Variants in TIPARP observed in about 807,000 individuals in gnomAD.
TIPARP encodes TCDD inducible poly(ADP-ribose) polymerase, also known as protein mono-ADP-ribosyltransferase TIPARP.
A neutral mutation model predicts 56.5 loss-of-function variants in TIPARP; 12 were observed. The ratio of observed to expected loss-of-function variants is 0.21; its 90% CI spans 0.14 to 0.34. TIPARP has a LOEUF of 0.34. Among genes scored for constraint, TIPARP ranks in the 10% least tolerant of loss-of-function variants. TIPARP has a pLI of 1.00. For synonymous variants in TIPARP, 296 were observed against 265.7 expected (o/e 1.11, Z -1.11); for missense variants, 604 against 781.6 (o/e 0.77, Z 2.71).
At chr3:156,691,143 G>A (rs1047435774) in intron 2 of TIPARP, among the ~76,000 whole-genome samples, 3 of 152,048 alleles carry the variant, frequency 2.0e-5, no homozygotes, top group African/African-American at 7.2e-5. Flanking sequence ...GTCTCCACCC[G>A]TCTTTCAAGA....
At chr3:156,694,965 C>A (rs1158053836) in intron 3 of TIPARP, among the ~76,000 whole-genome samples, 1 of 152,058 alleles carries the variant, frequency 6.6e-6, no homozygotes, top group Non-Finnish European at 1.5e-5. Context: ...TATTGTTAAA[C>A]ACAATATTAA....
intron 2 of TIPARP, among the ~76,000 whole-genome samples, chr3:156,679,230 T>G (rs931530953): frequency 2.0e-5 from 3 of 152,176 alleles, no homozygotes; most frequent in Non-Finnish European, 4.4e-5. Context: ...GAAGAGTCCT[T>G]TAACAATCAG....
intron 4 of TIPARP, among the ~76,000 whole-genome samples, chr3:156,701,514 G>A (rs906019341): frequency 6.6e-6 from 1 of 152,162 alleles, no homozygotes; most frequent in African/African-American, 2.4e-5. Flanking sequence ...TGCAAAGCTG[G>A]ATAGAGGGAG....
At chr3:156,701,325 G>A (rs1722839429) in intron 4 of TIPARP, among the ~76,000 whole-genome samples, 1 of 152,194 alleles carries the variant, frequency 6.6e-6, no homozygotes, top group East Asian at 1.9e-4. Flanking sequence ...AAGAAAAGGG[G>A]CAGAATCTCT....
chr3:156,689,428 T>C (rs918116839), intron 2 of TIPARP, among the ~76,000 whole-genome samples: 1 of 152,246 alleles, frequency 6.6e-6, no homozygotes, highest in South Asian at 2.1e-4. Context: ...TGGCTGTTCA[T>C]AGAATAATAT....
At position 156,681,126 on chromosome 3, in the gene TIPARP, A is replaced by G. The variant is rs1180198861; in HGVS notation, c.917+2512A>G. 1.8e-5 allele frequency: 8 copies of G among 456,602 alleles called. No homozygotes were observed. In the Admixed American group the frequency reaches 1.9e-4, roughly 11 times the overall value. 28.3% of individuals were successfully genotyped at this position (456,602 alleles called of 1,614,324 possible). A position where few individuals can be genotyped will look rare whatever the true frequency, so the allele number is the denominator to read the frequency against. The stretch of plus-strand genomic sequence containing the variant: ...AAGCGATGTTGTGTTTCCTGGCAAC[A>G]AGATGCAGATAACGGCATGTTGAGC... On this transcript the variant is annotated intron_variant, in intron 2 of 5. Transcript: ENST00000295924.
chr3:156,675,890 C>T (rs992044982), intron 1 of TIPARP: 4 of 152,208 alleles, frequency 2.6e-5, no homozygotes, highest in African/African-American at 7.2e-5. Context: ...TAGTGGCTTT[C>T]CCCCTCCAGC....
Position 156,705,396 on chromosome 3 carries a change from T to C in TIPARP, c.*265T>C, listed in dbSNP as rs1473473617. The C allele has an allele frequency of 3.0e-5, 9 of 296,890 alleles. No individual in the cohort carries two copies. The highest frequency in any genetic ancestry group is 5.0e-5 in the Non-Finnish European group (8 of 159,376). 18.4% of individuals were successfully genotyped at this position (296,890 alleles called of 1,614,324 possible). On this transcript the variant is annotated 3_prime_UTR_variant, in exon 6 of 6. Coordinates refer to ENST00000295924, the MANE Select transcript of TIPARP (RefSeq NM_015508.5). The stretch of plus-strand genomic sequence containing the variant: ...TACACACTCTTTTCATTCACACTTG[T>C]ACATATAGACAGCAATGTTATTAGG...
intron 1 of TIPARP, chr3:156,676,632 T>C (rs1288909260): frequency 6.6e-6 from 1 of 152,216 alleles, no homozygotes; most frequent in Non-Finnish European, 1.5e-5. Context: ...TTTCAGTTTA[T>C]TGGACAAGAG....
chr3:156,686,738 A>G (rs892959199), intron 2 of TIPARP, among the ~76,000 whole-genome samples: 1 of 152,188 alleles, frequency 6.6e-6, no homozygotes, highest in Non-Finnish European at 1.5e-5. Flanking sequence ...ATATCTTACT[A>G]GGCATTAGAA....
rs913683105 is a variant in TIPARP, at chr3:156,695,909, A to G, written c.1131A>G (p.Lys377=). The G allele has an allele frequency of 1.9e-6, 3 of 1,606,516 alleles. No homozygotes were observed. The highest frequency in any genetic ancestry group is 3.4e-5 in the Admixed American group (2 of 58,912). ...LIEEANSRGL[K]EVRFMMWNNH... Reference sequence around the variant, plus strand: ...AAGAAGCCAACTCTCGGGGTCTGAAAGAGGTTCGATTTATGATGTGGAATA... The same window carrying G: ...AAGAAGCCAACTCTCGGGGTCTGAAGGAGGTTCGATTTATGATGTGGAATA... The change falls in exon 4 of 6, where the codon AAA becomes AAG. Residue 377 remains lysine (K), a synonymous_variant. Coordinates refer to ENST00000295924, the MANE Select transcript of TIPARP (RefSeq NM_015508.5).
chr3:156,691,436 A>G (rs951391680), intron 2 of TIPARP, among the ~76,000 whole-genome samples: 34 of 152,212 alleles, frequency 2.2e-4, no homozygotes, highest in African/African-American at 8.2e-4. Context: ...TTTGGCTTAC[A>G]TTTTGTTAGT....
intron 2 of TIPARP, among the ~76,000 whole-genome samples, chr3:156,679,455 C>A (rs560073042): frequency 1.3e-5 from 2 of 152,194 alleles, no homozygotes; most frequent in South Asian, 4.1e-4. Flanking sequence ...GTTGCTAGTG[C>A]AAAAATGGCT....
At chr3:156,680,841 T>G (rs1429189732) in intron 2 of TIPARP, among the ~76,000 whole-genome samples, 1 of 152,222 alleles carries the variant, frequency 6.6e-6, no homozygotes, top group Admixed American at 6.5e-5. Flanking sequence ...AGTAAACTAA[T>G]GTTTATCTGA....
chr3:156,703,905 C>T (rs1330201523), intron 5 of TIPARP, among the ~76,000 whole-genome samples: 4 of 149,852 alleles, frequency 2.7e-5, no homozygotes, highest in African/African-American at 7.4e-5. Flanking sequence ...CCCAGCTACT[C>T]GGGAGGCTGA....
At chr3:156,699,753 TC>T (rs555321837) in intron 4 of TIPARP, among the ~76,000 whole-genome samples, 34 of 152,338 alleles carry the variant, frequency 2.2e-4, no homozygotes, top group Admixed American at 2.2e-3. Flanking sequence ...CTCTTTATTT[TC>T]CTTTTTCTTT....
intron 2 of TIPARP, among the ~76,000 whole-genome samples, chr3:156,680,775 T>C (rs1486687391): frequency 2.0e-5 from 3 of 152,174 alleles, no homozygotes; most frequent in African/African-American, 7.2e-5. Context: ...AAGCCTGCAT[T>C]GTTGTATTAT....
In TIPARP at chr3:156,678,195, A is replaced by C. The variant is rs1298003340; in HGVS notation, c.498A>C (p.Pro166=). The C allele has an allele frequency of 6.2e-7, 1 of 1,614,150 alleles. No homozygotes were observed. The highest frequency in any genetic ancestry group is 1.3e-5 in the African/African-American group (1 of 75,054). Residue 166 remains proline (P), a synonymous_variant, in exon 2 of 6, where the codon CCA becomes CCC. Coordinates refer to ENST00000295924, the MANE Select transcript of TIPARP (RefSeq NM_015508.5). Reference sequence around the variant, plus strand: ...ACTTCCAGACTGATCTTTTGCACCCAGTTTCAAGTGATGTTCCTACTAGTC... The same window carrying C: ...ACTTCCAGACTGATCTTTTGCACCCCGTTTCAAGTGATGTTCCTACTAGTC... ...PAHFQTDLLH[P]VSSDVPTSPD...
At chr3:156,686,134 A>AACAGAGTATGTGAAACAGAGTC (rs1722422434) in intron 2 of TIPARP, among the ~76,000 whole-genome samples, 1 of 152,192 alleles carries the variant, frequency 6.6e-6, no homozygotes, top group African/African-American at 2.4e-5. Flanking sequence ...AGTCAGGGTA[A>AACAGAGTATGTGAAACAGAGTC]AGTATGTGAA....
Sources: allele counts gnomAD v4.1 joint callset (sites outside exome capture counted in the v4.1 genomes callset), GRCh38; gene constraint gnomAD v4.1.1; transcripts MANE v1.5; gene names NCBI Gene and HGNC (gene_info 2026-07-23, HGNC 2026-07-21).